Variants in ANKRD29 observed in about 807,000 individuals in gnomAD.
ANKRD29 encodes the protein ankyrin repeat domain 29.
Under a neutral mutation model 38.0 loss-of-function variants are expected in ANKRD29, and 32 were observed. The observed-to-expected ratio is 0.84, with a 90% CI of 0.64 to 1.13. The LOEUF (loss-of-function observed/expected upper bound fraction) is 1.13. Among genes scored for constraint, ANKRD29 ranks in the 50% most tolerant of loss-of-function variants. The pLI is 0.00. For missense variants in ANKRD29, 357 were observed against 377.9 expected (o/e 0.94, Z 0.46); for synonymous variants, 135 against 152.4 (o/e 0.89, Z 0.84).
chr18:23,649,517 C>T (rs1234658932), intron 1 of ANKRD29: 2 of 548,824 alleles, frequency 3.6e-6, no homozygotes, highest in Non-Finnish European at 6.9e-6. Flanking sequence ...ATGAATTTTC[C>T]TCCATCCTTC....
intron 3 of ANKRD29, 60 bp downstream of exon 3, chr18:23,646,128 TC>T: frequency 6.8e-7 from 1 of 1,481,182 alleles, no homozygotes; most frequent in African/African-American, 1.4e-5. Context: ...CAGTTCACTA[TC>T]ATGAAAACTT....
chr18:23,614,857 T>C (rs551764870), intron 8 of ANKRD29, among the ~76,000 whole-genome samples: 27 of 152,206 alleles, frequency 1.8e-4, no homozygotes, highest in African/African-American at 6.5e-4. Flanking sequence ...CAAGTAGGTT[T>C]TATATACATT....
At position 23,628,250 on chromosome 18, in the gene ANKRD29, G is replaced by C. The variant is rs1182326317; in HGVS notation, c.528+1603C>G. Among the ~76,000 whole-genome samples the C allele has an allele frequency of 2.6e-5, 4 of 152,166 alleles. No homozygotes were observed. In the East Asian group the frequency reaches 7.7e-4, roughly 29 times the overall value. On this transcript the variant is annotated intron_variant, in intron 6 of 9. Coordinates refer to ENST00000592179, the MANE Select transcript of ANKRD29 (RefSeq NM_173505.4). ...GATGGATTGAGAACTTGGGATTCCT[G>C]ACCTCAAAACCACTTTGCTTTCCTG...
At chr18:23,605,927 TA>T (rs1449972196) in intron 9 of ANKRD29, among the ~76,000 whole-genome samples, 1 of 150,748 alleles carries the variant, frequency 6.6e-6, no homozygotes, top group Non-Finnish European at 1.5e-5. Flanking sequence ...GTACAACTGG[TA>T]TTTTTGTAGA....
At chr18:23,653,030 A>T (rs988124984) in intron 1 of ANKRD29, among the ~76,000 whole-genome samples, 1 of 152,236 alleles carries the variant, frequency 6.6e-6, no homozygotes, top group African/African-American at 2.4e-5. Context: ...ACCACTGTGT[A>T]ACAATTGCCT....
rs923650820 is a variant in ANKRD29 at position 23,662,806 on chromosome 18, C to T, written c.-76G>A. The T allele has an allele frequency of 2.4e-5, 30 of 1,267,848 alleles. No homozygotes were observed. Among genetic ancestry groups the T allele is most frequent in the Middle Eastern group, 2.9e-4 (1 of 3,452 alleles). 78.5% of individuals were successfully genotyped at this position (1,267,848 alleles called of 1,614,324 possible). On this transcript the variant is annotated 5_prime_UTR_variant, in exon 1 of 10. Coordinates refer to ENST00000592179, the MANE Select transcript of ANKRD29 (RefSeq NM_173505.4). ...TGTCCTCCCCGGCCCTTCACTCTCCCGGGGCTCTCGGCGTTCCGCAGAGGG... is the reference window on the plus strand; with the variant it reads ...TGTCCTCCCCGGCCCTTCACTCTCCTGGGGCTCTCGGCGTTCCGCAGAGGG...
At position 23,599,904 on chromosome 18, in the gene ANKRD29, G is replaced by T. The variant is rs2059492422; in HGVS notation, c.*1322C>A. The T allele has an allele frequency of 1.3e-5, 2 of 152,210 alleles. No homozygotes were observed. The highest frequency in any genetic ancestry group is 4.1e-4 in the South Asian group (2 of 4,822). 9.4% of individuals were successfully genotyped at this position (152,210 alleles called of 1,614,324 possible). A position where few individuals can be genotyped will look rare whatever the true frequency, so the allele number is the denominator to read the frequency against. On this transcript the variant is annotated 3_prime_UTR_variant, in exon 10 of 10. Coordinates refer to ENST00000592179, the MANE Select transcript of ANKRD29 (RefSeq NM_173505.4). ...AATCCTTTTAGTAACTCTGAAAGTTGGTTAAACAAAAATTCTTTTGGGATT... is the reference window on the plus strand; with the variant it reads ...AATCCTTTTAGTAACTCTGAAAGTTTGTTAAACAAAAATTCTTTTGGGATT...
intron 2 of ANKRD29, chr18:23,647,833 G>C (rs1247201648): frequency 6.6e-6 from 1 of 152,350 alleles, no homozygotes; most frequent in Non-Finnish European, 1.5e-5. Context: ...AGATGCCCAA[G>C]ACTTGACAGC....
rs148058081 is a variant in ANKRD29, at chr18:23,623,038, T to G, written c.529-3409A>C. On this transcript the variant is annotated intron_variant, in intron 6 of 9. Transcript: ENST00000592179. ...GTCCTCTTAGGAAAAATTATTAGCT[T>G]CGCAGAGATAAGTGAGAAAACATAT... Among the ~76,000 whole-genome samples the G allele has an allele frequency of 1.1e-4, 17 of 152,330 alleles. No homozygotes were observed. The East Asian group carries it at 3.3e-3, about 29-fold the overall frequency.
intron 2 of ANKRD29, 136 bp downstream of exon 2, chr18:23,648,947 G>A (rs750305559): frequency 2.7e-6 from 2 of 729,108 alleles, no homozygotes; most frequent in East Asian, 5.5e-5. Flanking sequence ...TACCTTGGAT[G>A]TTTTAAAAAG....
chr18:23,635,451 G>A (rs549749743), intron 4 of ANKRD29, among the ~76,000 whole-genome samples: 58 of 152,286 alleles, frequency 3.8e-4, no homozygotes, highest in East Asian at 5.8e-4. Context: ...CATTGAGTTT[G>A]TGGTCAACTA....
intron 4 of ANKRD29, among the ~76,000 whole-genome samples, chr18:23,636,105 GA>G (rs1295580589): frequency 1.3e-5 from 2 of 152,164 alleles, no homozygotes; most frequent in African/African-American, 4.8e-5. Flanking sequence ...GATAAAATAT[GA>G]AGATTCTTAT....
intron 3 of ANKRD29, among the ~76,000 whole-genome samples, chr18:23,645,714 T>A (rs1162368253): frequency 6.6e-6 from 1 of 152,208 alleles, no homozygotes; most frequent in Non-Finnish European, 1.5e-5. Context: ...CCCATACGGC[T>A]TTTTCCAGGA....
chr18:23,611,412 G>C (rs939130096), intron 9 of ANKRD29, among the ~76,000 whole-genome samples: 1 of 152,140 alleles, frequency 6.6e-6, no homozygotes, highest in African/African-American at 2.4e-5. Context: ...GGCCGGGCGT[G>C]GTGCCTCATG....
At chr18:23,645,931 T>TA (rs144580129) in intron 3 of ANKRD29, among the ~76,000 whole-genome samples, 98 of 148,748 alleles carry the variant, frequency 6.6e-4, no homozygotes, top group South Asian at 5.6e-3. Context: ...TTAAGCTTGA[T>TA]AAAAAAAAAA....
At chr18:23,647,341 G>GT (rs1238827212) in intron 2 of ANKRD29, 1 of 152,214 alleles carries the variant, frequency 6.6e-6, no homozygotes, top group Non-Finnish European at 1.5e-5. Flanking sequence ...TATTCGTTCA[G>GT]TAAGTGTTAG....
intron 7 of ANKRD29, among the ~76,000 whole-genome samples, chr18:23,618,963 T>C (rs2145658184): frequency 6.6e-6 from 1 of 152,166 alleles, no homozygotes; most frequent in African/African-American, 2.4e-5. Flanking sequence ...GTGGGTTACG[T>C]AAGCAAGGGT....
At position 23,648,019 on chromosome 18, in the gene ANKRD29, G is replaced by A. The variant is rs7227534; in HGVS notation, c.132+1064C>T. ...ACCAGCTGAGGCCTGAAGGTGCCAG[G>A]GGGGAAGGGAGCGGCTCCCAGGATG... On this transcript the variant is annotated intron_variant, in intron 2 of 9. Coordinates refer to ENST00000592179, the MANE Select transcript of ANKRD29 (RefSeq NM_173505.4). The A allele has an allele frequency of 3.6e-3, 557 of 152,760 alleles. 5 individuals are homozygous for A. Among genetic ancestry groups the A allele is most frequent in the Non-Finnish European group, 5.2e-3 (353 of 68,438 alleles). The allele number at this position is 152,760 out of a possible 1,614,324, so 9.5% of individuals were successfully genotyped here. A position where few individuals can be genotyped will look rare whatever the true frequency, so the allele number is the denominator to read the frequency against.
intron 9 of ANKRD29, among the ~76,000 whole-genome samples, chr18:23,606,103 G>T (rs895961441): frequency 5.9e-5 from 9 of 152,136 alleles, no homozygotes; most frequent in African/African-American, 2.2e-4. Context: ...GAAAAAGGCA[G>T]ATAAGATCTT....
Sources: gnomAD v4.1 joint callset for allele counts (sites outside exome capture counted in the v4.1 genomes callset) on GRCh38, gnomAD v4.1.1 for gene constraint, MANE v1.5 for transcripts, NCBI Gene and HGNC (gene_info 2026-07-23, HGNC 2026-07-21) for gene names.